The following ALG5 variants were observed in gnomAD, a reference collection of about 807,000 sequenced individuals.
ALG5 encodes the protein dolichyl-phosphate beta-glucosyltransferase.
A neutral mutation model predicts 51.8 loss-of-function variants in ALG5; 26 were observed. That is an observed-to-expected ratio of 0.50 (90% confidence interval 0.37 to 0.70). The LOEUF (loss-of-function observed/expected upper bound fraction) is 0.70. Ranked by LOEUF, ALG5 falls within the 30% of genes least tolerant of loss-of-function variation. The pLI is 0.00. For synonymous variants in ALG5, 141 were observed against 136.1 expected, an observed-to-expected ratio of 1.04 and a Z score of -0.25; for missense variants, 311 against 399.3, an observed-to-expected ratio of 0.78 and a Z score of 1.88.
At chr13:36,965,845 G>T in intron 7 of ALG5, 119 bp from the exon 8 acceptor site, 3 of 798,582 alleles carry the variant, frequency 3.8e-6, no homozygotes, top group Non-Finnish European at 5.8e-6. Flanking sequence ...TCTTACATAA[G>T]AACACCACTG....
At position 36,995,613 on chromosome 13, in the gene ALG5, A is replaced by T. The variant is rs1448650223; in HGVS notation, c.67-17T>A. 1.3e-6 allele frequency: 2 copies of T among 1,589,700 alleles called. No individual in the cohort carries two copies. Among genetic ancestry groups the T allele is most frequent in the East Asian group, 2.2e-5 (1 of 44,762 alleles). On this transcript the variant is annotated splice_polypyrimidine_tract_variant and intron_variant, in intron 1 of 9. Transcript: ENST00000239891. ...GATGGAAATCTAAAAGCAGACATACATGTCTTTTACAAAACAGAAATTATG... is the reference window on the plus strand; with the variant it reads ...GATGGAAATCTAAAAGCAGACATACTTGTCTTTTACAAAACAGAAATTATG...
chr13:36,956,704 TAC>T (rs1321926826), intron 8 of ALG5, among the ~76,000 whole-genome samples: 6 of 152,116 alleles, frequency 3.9e-5, no homozygotes, highest in African/African-American at 1.4e-4. Context: ...TTCACTCTAA[TAC>T]ATCTTGCAAC....
chr13:36,986,868 C>CA (rs2059004298), intron 5 of ALG5, among the ~76,000 whole-genome samples: 1 of 152,072 alleles, frequency 6.6e-6, no homozygotes, highest in East Asian at 1.9e-4. Context: ...TGAAATGGGG[C>CA]AAAAAACCAG....
At chr13:36,961,396 T>C (rs2058866091) in intron 8 of ALG5, among the ~76,000 whole-genome samples, 1 of 152,182 alleles carries the variant, frequency 6.6e-6, no homozygotes, top group Non-Finnish European at 1.5e-5. Flanking sequence ...CATGAGACCC[T>C]GTCTCCAAAA....
At chr13:36,994,384 C>T (rs2059039455) in intron 3 of ALG5, among the ~76,000 whole-genome samples, 1 of 152,018 alleles carries the variant, frequency 6.6e-6, no homozygotes, top group Admixed American at 6.5e-5. Context: ...CCAATGGCAG[C>T]TAATGTTACA....
intron 1 of ALG5, among the ~76,000 whole-genome samples, chr13:36,998,582 GAC>G (rs1274294903): frequency 2.0e-5 from 3 of 152,204 alleles, no homozygotes; most frequent in Non-Finnish European, 2.9e-5. Context: ...CAAGGGCAAA[GAC>G]AATCGAGTTT....
intron 6 of ALG5, among the ~76,000 whole-genome samples, chr13:36,976,388 T>G (rs2058950664): frequency 7.7e-6 from 1 of 130,188 alleles, no homozygotes; most frequent in East Asian, 2.2e-4. Context: ...ATTGCGCCAT[T>G]GCACTCCATC....
chr13:36,970,032 T>A (rs925051475), intron 7 of ALG5, among the ~76,000 whole-genome samples: 3 of 149,460 alleles, frequency 2.0e-5, no homozygotes, highest in African/African-American at 7.3e-5. Flanking sequence ...TACTACAATT[T>A]TATATATATA....
At chr13:36,972,717 G>C (rs1424466004) in intron 6 of ALG5, among the ~76,000 whole-genome samples, 9 of 152,160 alleles carry the variant, frequency 5.9e-5, no homozygotes, top group Non-Finnish European at 8.8e-5. Flanking sequence ...TTCTGGCCGG[G>C]CGTGGTGGCT....
chr13:36,985,853 T>G, intron 5 of ALG5, 113 bp from the exon 6 acceptor site: 2 of 602,254 alleles, frequency 3.3e-6, no homozygotes, highest in Non-Finnish European at 5.6e-6. Flanking sequence ...AGGTATGAGA[T>G]GGCTGAAGGA....
chr13:36,959,668 A>G (rs2058857015), intron 8 of ALG5, among the ~76,000 whole-genome samples: 1 of 152,198 alleles, frequency 6.6e-6, no homozygotes, highest in Non-Finnish European at 1.5e-5. Context: ...AAGACAATAC[A>G]GGAATGTTTC....
intron 1 of ALG5, 127 bp downstream of exon 1, chr13:36,999,108 G>T: frequency 1.3e-6 from 1 of 780,134 alleles, no homozygotes; most frequent in Non-Finnish European, 1.8e-6. Flanking sequence ...TCAGGAATTT[G>T]GGGGAATCTA....
rs1407809977 is a variant in ALG5, at chr13:36,965,673, G to A, written c.675C>T (p.Phe225=). The part of the protein sequence containing the change: ...LMYGFHFLVW[F]LCVKGIRDTQ... ...TGTCCCTGATTCCTTTGACACAAAG[G>A]AACCACACCAGAAAGTGGAACCCAT... Residue 225 remains phenylalanine, a synonymous_variant, in exon 8 of 10, where the codon TTC becomes TTT. Coordinates refer to ENST00000239891, the MANE Select transcript of ALG5 (RefSeq NM_013338.5). 1 of 1,613,860 alleles carries A rather than the reference G, an allele frequency of 6.2e-7. No individual in the cohort carries two copies. The highest frequency in any genetic ancestry group is 1.3e-5 in the African/African-American group (1 of 74,886).
At position 36,977,790 on chromosome 13, in the gene ALG5, C is replaced by CAAA. The variant is rs869027711; in HGVS notation, c.562-5757_562-5755dup. On this transcript the variant is annotated intron_variant, in intron 6 of 9. Transcript: ENST00000239891. ...CTGGGCGACAGAGTGAGACTGTCTC[C>CAAA]AAAAAAAAAAAAAAAAAAAAAAAAC... 3.7e-3 allele frequency among the ~76,000 whole-genome samples: 141 copies of CAAA among 38,422 alleles called. 3 individuals carry two copies. The highest frequency in any genetic ancestry group is 0.016 in the African/African-American group (118 of 7,348). The allele number at this position is 38,422 out of a possible 152,430, so 25.2% of individuals were successfully genotyped here. A position where few individuals can be genotyped will look rare whatever the true frequency, so the allele number is the denominator to read the frequency against.
rs1406818731 is a variant in ALG5, at chr13:36,993,118, G to T, written c.354+486C>A. 2.0e-5 allele frequency among the ~76,000 whole-genome samples: 3 copies of T among 152,292 alleles called. No homozygotes were observed. The East Asian group carries it at 5.8e-4, about 29-fold the overall frequency. On this transcript the variant is annotated intron_variant, in intron 4 of 9. Coordinates refer to ENST00000239891, the MANE Select transcript of ALG5 (RefSeq NM_013338.5). ...CCTTCATGTATCACTAAACTGCTGA[G>T]ATGGCTTGTGTTCATAACTTTCACA...
chr13:36,965,219 G>A (rs1257700237), intron 8 of ALG5, among the ~76,000 whole-genome samples: 1 of 151,904 alleles, frequency 6.6e-6, no homozygotes, highest in Non-Finnish European at 1.5e-5. Context: ...TCTTAGGAAA[G>A]ACACCTTATC....
At chr13:36,982,784 G>C (rs1408528576) in intron 6 of ALG5, among the ~76,000 whole-genome samples, 1 of 152,070 alleles carries the variant, frequency 6.6e-6, no homozygotes, top group Non-Finnish European at 1.5e-5. Flanking sequence ...TCATTTATTT[G>C]CCTCCTTTCC....
At chr13:36,951,831 C>T (rs1045792411) in intron 9 of ALG5, among the ~76,000 whole-genome samples, 6 of 152,176 alleles carry the variant, frequency 3.9e-5, no homozygotes, top group Admixed American at 6.5e-5. Flanking sequence ...GTTGCCCAGG[C>T]GGGAGTGCAA....
chr13:36,957,912 GGAA>G (rs1197671485), intron 8 of ALG5, among the ~76,000 whole-genome samples: 2 of 152,018 alleles, frequency 1.3e-5, no homozygotes, highest in Non-Finnish European at 2.9e-5. Flanking sequence ...ATACATCCTG[GGAA>G]GGACTCTATC....
Sources: allele counts gnomAD v4.1 joint callset (sites outside exome capture counted in the v4.1 genomes callset), GRCh38; gene constraint gnomAD v4.1.1; transcripts MANE v1.5; gene names NCBI Gene and HGNC (gene_info 2026-07-23, HGNC 2026-07-21).